LEPR: variants seen among roughly 807,000 people sequenced by gnomAD.
LEPR encodes leptin receptor.
Under a neutral mutation model 114.7 loss-of-function variants are expected in LEPR, and 56 were observed. The observed-to-expected ratio is 0.49, with a 90% CI of 0.39 to 0.61. The LOEUF (loss-of-function observed/expected upper bound fraction) is 0.61, where lower values mean the gene tolerates loss of function less well. LEPR is among the 20% of genes least tolerant of loss of function. The pLI is 0.00. For missense variants in LEPR, 1,202 were observed against 1,352.9 expected, an observed-to-expected ratio of 0.89 and a Z score of 1.75; for synonymous variants, 443 against 461.4, an observed-to-expected ratio of 0.96 and a Z score of 0.51.
At chr1:65,546,857 T>A (rs567423012) in intron 2 of LEPR, among the ~76,000 whole-genome samples, 1 of 152,072 alleles carries the variant, frequency 6.6e-6, no homozygotes, top group East Asian at 1.9e-4. Context: ...TGAATAGGAG[T>A]GGTGAGAGAG....
At chr1:65,627,863 G>C (rs1658309051) in intron 19 of LEPR, among the ~76,000 whole-genome samples, 1 of 151,952 alleles carries the variant, frequency 6.6e-6, no homozygotes. Context: ...CCTTTAATTT[G>C]TTCTCCAAAT....
intron 19 of LEPR, among the ~76,000 whole-genome samples, chr1:65,632,005 A>C (rs972659357): frequency 6.6e-6 from 1 of 152,092 alleles, no homozygotes; most frequent in African/African-American, 2.4e-5. Flanking sequence ...CTGTGTCTAC[A>C]TTTATGCCAG....
intron 8 of LEPR, among the ~76,000 whole-genome samples, chr1:65,600,289 C>G (rs1656358653): frequency 6.6e-6 from 1 of 152,086 alleles, no homozygotes; most frequent in Non-Finnish European, 1.5e-5. Flanking sequence ...TATACTCAGT[C>G]ACGCTCATAA....
intron 2 of LEPR, among the ~76,000 whole-genome samples, chr1:65,489,138 C>T (rs1056864780): frequency 1.3e-5 from 2 of 152,124 alleles, no homozygotes; most frequent in African/African-American, 4.8e-5. Flanking sequence ...ATTTACCTAG[C>T]AGTAGGATTG....
intron 2 of LEPR, among the ~76,000 whole-genome samples, chr1:65,457,772 T>G: frequency 6.6e-6 from 1 of 150,826 alleles, no homozygotes; most frequent in African/African-American, 2.5e-5. Context: ...GTTCTCATGT[T>G]TCTTTGTTTC....
rs544301999 is a variant in LEPR at position 65,638,988 on chromosome 1, T to C, written c.*1973T>C. 6.6e-6 allele frequency: 1 copy of C among 152,138 alleles called. No homozygotes were observed. The highest frequency in any genetic ancestry group is 1.5e-5 in the Non-Finnish European group (1 of 68,020). 9.4% of individuals were successfully genotyped at this position (152,138 alleles called of 1,614,324 possible). On this transcript the variant is annotated 3_prime_UTR_variant, in exon 20 of 20. Coordinates refer to ENST00000349533, the MANE Select transcript of LEPR (RefSeq NM_002303.6). ...TAGATTATTGGTATTTAATTGAAGG[T>C]ACAGTACAGAAGAGATAGAAAAATA...
rs149221559 is a variant in LEPR at position 65,528,598 on chromosome 1, A to G, written c.-20-36948A>G. Among the ~76,000 whole-genome samples, 1,360 of 152,100 alleles carry G rather than the reference A, an allele frequency of 8.9e-3. 22 individuals are homozygous for G. Among genetic ancestry groups the G allele is most frequent in the African/African-American group, 0.031 (1,298 of 41,526 alleles). On this transcript the variant is annotated intron_variant, in intron 2 of 19. Transcript: ENST00000349533. ...TATAAATATAAATAAAATCTTTAAA[A>G]CATTTGAACTGTAATGAATATAGAG...
chr1:65,631,394 GCTAATTTT>G (rs1227115073), intron 19 of LEPR, among the ~76,000 whole-genome samples: 34 of 152,096 alleles, frequency 2.2e-4, no homozygotes, highest in Non-Finnish European at 4.9e-4. Flanking sequence ...ATACGGCAGG[GCTAATTTT>G]CTTTCTCCTG....
chr1:65,565,625 G>T lies in LEPR; in HGVS notation c.40+20G>T. The T allele has an allele frequency of 6.2e-7, 1 of 1,613,710 alleles. No individual in the cohort carries two copies. On this transcript the variant is annotated intron_variant, in intron 3 of 19. Coordinates refer to ENST00000349533, the MANE Select transcript of LEPR (RefSeq NM_002303.6). ...ATTGGGGTAAGTTATTTGCTCATTT[G>T]CTGTTTTAATGCCCTTAAACATGGT...
intron 2 of LEPR, among the ~76,000 whole-genome samples, chr1:65,455,757 G>C (rs1646862513): frequency 6.6e-6 from 1 of 152,252 alleles, no homozygotes; most frequent in South Asian, 2.1e-4. Flanking sequence ...CCTGCCCCCA[G>C]AGGTGGAGCC....
chr1:65,608,642 T>A, intron 11 of LEPR, 111 bp from the exon 12 acceptor site: 1 of 1,195,564 alleles, frequency 8.4e-7, no homozygotes, highest in Non-Finnish European at 1.2e-6. Context: ...GAGAAAGTTA[T>A]GAAGAAGATA....
intron 2 of LEPR, among the ~76,000 whole-genome samples, chr1:65,465,586 CCTT>C (rs1647000747): frequency 6.6e-6 from 1 of 152,098 alleles, no homozygotes; most frequent in Non-Finnish European, 1.5e-5. Context: ...TCCTTGGTAA[CCTT>C]CTTTCTCGTT....
intron 2 of LEPR, among the ~76,000 whole-genome samples, chr1:65,449,260 CTT>C (rs201429452): frequency 1.8e-4 from 21 of 118,504 alleles, no homozygotes; most frequent in East Asian, 2.4e-4. Flanking sequence ...TTTTATTTAT[CTT>C]TTTTTTTTTT....
intron 2 of LEPR, among the ~76,000 whole-genome samples, chr1:65,557,377 CT>C (rs1652884658): frequency 6.6e-6 from 1 of 152,020 alleles, no homozygotes; most frequent in African/African-American, 2.4e-5. Flanking sequence ...TTAATTTTCC[CT>C]TTGCTTCATT....
chr1:65,582,779 T>C (rs1378313400), intron 5 of LEPR, among the ~76,000 whole-genome samples: 1 of 152,146 alleles, frequency 6.6e-6, no homozygotes, highest in Non-Finnish European at 1.5e-5. Context: ...TATCCTCTAT[T>C]TTCTGCACCA....
At chr1:65,439,463 T>G (rs1646618091) in intron 2 of LEPR, among the ~76,000 whole-genome samples, 1 of 152,182 alleles carries the variant, frequency 6.6e-6, no homozygotes, top group African/African-American at 2.4e-5. Context: ...TTATTTGCCC[T>G]CATGGAGCTT....
chr1:65,491,075 T>C (rs1484596751), intron 2 of LEPR, among the ~76,000 whole-genome samples: 2 of 152,072 alleles, frequency 1.3e-5, no homozygotes, highest in Non-Finnish European at 2.9e-5. Context: ...AACACAAGAC[T>C]CCAACTCCAA....
At chr1:65,566,326 T>A (rs1324254307) in intron 3 of LEPR, among the ~76,000 whole-genome samples, 1 of 150,570 alleles carries the variant, frequency 6.6e-6, no homozygotes, top group Non-Finnish European at 1.5e-5. Flanking sequence ...CCTCAGCCTC[T>A]CGAGTAGCTG....
chr1:65,456,148 C>T (rs536403772), intron 2 of LEPR, among the ~76,000 whole-genome samples: 16 of 152,246 alleles, frequency 1.1e-4, no homozygotes, highest in South Asian at 6.2e-4. Flanking sequence ...GGCTCGTGCA[C>T]GGTGCGCGCA....
Sources: gnomAD v4.1 joint callset for allele counts (sites outside exome capture counted in the v4.1 genomes callset) on GRCh38, gnomAD v4.1.1 for gene constraint, MANE v1.5 for transcripts, NCBI Gene and HGNC (gene_info 2026-07-23, HGNC 2026-07-21) for gene names.